The following MPRIP variants were observed in gnomAD, a reference collection of about 807,000 sequenced individuals.
MPRIP encodes myosin phosphatase Rho interacting protein.
In MPRIP, 59 loss-of-function variants were observed where a neutral mutation model predicts 234.9. That is an observed-to-expected ratio of 0.25 (90% CI 0.20 to 0.31). The LOEUF is 0.31. MPRIP is among the 10% of genes least tolerant of loss of function. The pLI is 1.00. For missense variants in MPRIP, 2,436 were observed against 3,071.0 expected (o/e 0.79, Z 4.89); for synonymous variants, 1,144 against 1,263.9 (o/e 0.91, Z 2.01).
At chr17:17,062,968 C>T (rs1346609896) in intron 1 of MPRIP, among the ~76,000 whole-genome samples, 3 of 152,250 alleles carry the variant, frequency 2.0e-5, no homozygotes. Flanking sequence ...GCATAGTGCA[C>T]ACAGTGGCAC....
chr17:17,126,016 G>C (rs1225136952), intron 3 of MPRIP, among the ~76,000 whole-genome samples: 1 of 152,188 alleles, frequency 6.6e-6, no homozygotes, highest in Non-Finnish European at 1.5e-5. Context: ...TCTCCATAAA[G>C]GTCCTCTTGC....
Position 17,137,937 on chromosome 17 carries a change from A to G in MPRIP, c.758A>G (p.Asp253Gly), listed in dbSNP as rs775162950. 6.2e-7 allele frequency: 1 copy of G among 1,608,874 alleles called. No homozygotes were observed. The highest frequency in any genetic ancestry group is 2.3e-5 in the East Asian group (1 of 44,404). ...SKEEESAMSS[D>G]RMDCGRKVRV... ...CCAGAGGAGAGCGCCATGAGTAGCG[A>G]CCGCATGGACTGTGGCCGCAAAGTC... Residue 253 changes from aspartate (D) to glycine (G), a missense_variant, in exon 7 of 24, where the codon GAC becomes GGC. Coordinates refer to ENST00000651222, the MANE Select transcript of MPRIP (RefSeq NM_001364716.4).
At chr17:17,117,449 G>A (rs2090308049) in intron 3 of MPRIP, among the ~76,000 whole-genome samples, 1 of 152,230 alleles carries the variant, frequency 6.6e-6, no homozygotes, top group African/African-American at 2.4e-5. Context: ...CACCAAGATG[G>A]AGTCACACAG....
intron 22 of MPRIP, among the ~76,000 whole-genome samples, chr17:17,177,833 T>A (rs970871068): frequency 1.3e-5 from 2 of 152,066 alleles, no homozygotes; most frequent in African/African-American, 4.8e-5. Context: ...CCTTTTTTTC[T>A]TGGCTAAAAA....
chr17:17,150,355 T>A, intron 12 of MPRIP, 122 bp downstream of exon 12: 1 of 692,728 alleles, frequency 1.4e-6, no homozygotes, highest in Non-Finnish European at 2.5e-6. Context: ...GGTCAGCACT[T>A]AGTCTTTCCC....
chr17:17,052,297 G>A lies in MPRIP; in HGVS notation c.123+9326G>A, dbSNP rs556911693. Reference sequence around the variant, plus strand: ...CTCCTTAGTGTTTTTGTTTGGCCCCGGGGCAGATGGGTAGTAGGGAGATTG... The same window carrying A: ...CTCCTTAGTGTTTTTGTTTGGCCCCAGGGCAGATGGGTAGTAGGGAGATTG... On this transcript the variant is annotated intron_variant, in intron 1 of 23. Transcript: ENST00000651222. Among the ~76,000 whole-genome samples, 83 of 152,294 alleles carry A rather than the reference G, an allele frequency of 5.4e-4. 3 individuals are homozygous for A. The South Asian group carries it at 0.014, about 26-fold the overall frequency.
intron 3 of MPRIP, among the ~76,000 whole-genome samples, chr17:17,083,891 G>A (rs542149452): frequency 2.0e-5 from 3 of 152,202 alleles, no homozygotes; most frequent in Admixed American, 6.5e-5. Flanking sequence ...CTACAGGCCC[G>A]CGCCACCATG....
rs1329660107 is a variant in MPRIP, at chr17:17,186,577, G to T, written c.*1683G>T. The T allele has an allele frequency of 2.0e-5, 3 of 152,158 alleles. No homozygotes were observed. Among genetic ancestry groups the T allele is most frequent in the African/African-American group, 7.2e-5 (3 of 41,418 alleles). 9.4% of individuals were successfully genotyped at this position (152,158 alleles called of 1,614,324 possible). A position where few individuals can be genotyped will look rare whatever the true frequency, so the allele number is the denominator to read the frequency against. ...TTGTTTAAAAATCTACTTCTCTGAG[G>T]TGGCACAGTTGCGTAGCTGTAGTCC... On this transcript the variant is annotated 3_prime_UTR_variant, in exon 24 of 24. Coordinates refer to ENST00000651222, the MANE Select transcript of MPRIP (RefSeq NM_001364716.4).
chr17:17,082,487 G>C (rs932718903), intron 3 of MPRIP, among the ~76,000 whole-genome samples: 1 of 151,910 alleles, frequency 6.6e-6, no homozygotes, highest in East Asian at 1.9e-4. Context: ...TAGAGATGGG[G>C]TTTCTTCATG....
chr17:17,052,548 T>A (rs1428882701), intron 1 of MPRIP, among the ~76,000 whole-genome samples: 1 of 152,132 alleles, frequency 6.6e-6, no homozygotes, highest in African/African-American at 2.4e-5. Flanking sequence ...CCAGCACGAT[T>A]TTTTCCAAAG....
At chr17:17,131,076 A>G (rs1173762876) in intron 4 of MPRIP, among the ~76,000 whole-genome samples, 1 of 152,062 alleles carries the variant, frequency 6.6e-6, no homozygotes, top group Non-Finnish European at 1.5e-5. Flanking sequence ...ACAATCCCTG[A>G]TGGGTCCCTG....
intron 15 of MPRIP, among the ~76,000 whole-genome samples, chr17:17,161,657 ATACATTTAT>A (rs1276349294): frequency 2.0e-5 from 3 of 152,238 alleles, no homozygotes; most frequent in Non-Finnish European, 4.4e-5. Flanking sequence ...AGTAGCCAAT[ATACATTTAT>A]TGTAAATACC....
chr17:17,111,766 A>G lies in MPRIP; in HGVS notation c.268-14936A>G, dbSNP rs139901279. Among the ~76,000 whole-genome samples the G allele has an allele frequency of 3.3e-3, 501 of 152,198 alleles. 3 individuals carry two copies. The highest frequency in any genetic ancestry group is 0.012 in the African/African-American group (487 of 41,532). Reference sequence around the variant, plus strand: ...CAGCAGGCAGTCTCCTACCTTCCTGAGTGTGATGTCTGGTCAGACCTGTGC... The same window carrying G: ...CAGCAGGCAGTCTCCTACCTTCCTGGGTGTGATGTCTGGTCAGACCTGTGC... On this transcript the variant is annotated intron_variant, in intron 3 of 23. Transcript: ENST00000651222.
At chr17:17,171,599 G>C in intron 16 of MPRIP, 119 bp from the exon 17 acceptor site, 1 of 1,334,382 alleles carries the variant, frequency 7.5e-7, no homozygotes, top group Non-Finnish European at 1.0e-6. Context: ...AGCAAGCTCA[G>C]TGAATGCCCA....
At chr17:17,094,532 T>G (rs2089795299) in intron 3 of MPRIP, among the ~76,000 whole-genome samples, 1 of 152,144 alleles carries the variant, frequency 6.6e-6, no homozygotes. Context: ...TGTGGGAAGT[T>G]CTGACCTTCT....
At chr17:17,066,942 G>T (rs910016690) in intron 1 of MPRIP, among the ~76,000 whole-genome samples, 3 of 150,534 alleles carry the variant, frequency 2.0e-5, no homozygotes, top group Middle Eastern at 3.5e-3. Flanking sequence ...TTTTTTTTTG[G>T]TAGAAACAGG....
intron 10 of MPRIP, among the ~76,000 whole-genome samples, chr17:17,147,025 G>C (rs1410736172): frequency 1.3e-5 from 2 of 152,224 alleles, no homozygotes; most frequent in African/African-American, 4.8e-5. Flanking sequence ...CGCACGGCCT[G>C]GCCACCAGCC....
At chr17:17,056,801 A>G (rs538005311) in intron 1 of MPRIP, among the ~76,000 whole-genome samples, 2 of 151,900 alleles carry the variant, frequency 1.3e-5, no homozygotes, top group Admixed American at 6.6e-5. Flanking sequence ...GTCCCCAGCA[A>G]CTACAAATCT....
chr17:17,143,565 A>G lies in MPRIP; in HGVS notation c.1399A>G (p.Asn467Asp). ...RAFPRKRDFT[N>D]EAPPAPLPDA... ...CTGCTCTCTGCCACAGGACTTCACC[A>G]ATGAAGCCCCCCCAGCTCCTCTCCC... Residue 467 changes from asparagine to aspartate, a missense_variant, in exon 9 of 24, where the codon AAT becomes GAT. Coordinates refer to ENST00000651222, the MANE Select transcript of MPRIP (RefSeq NM_001364716.4). 6.3e-7 allele frequency: 1 copy of G among 1,594,602 alleles called. No individual in the cohort carries two copies.
Sources: allele counts gnomAD v4.1 joint callset (sites outside exome capture counted in the v4.1 genomes callset), GRCh38; gene constraint gnomAD v4.1.1; transcripts MANE v1.5; gene names NCBI Gene and HGNC (gene_info 2026-07-23, HGNC 2026-07-21).